Variants in HSF2BP observed in about 807,000 individuals in gnomAD.
HSF2BP encodes heat shock transcription factor 2 binding protein.
A neutral mutation model predicts 35.0 loss-of-function variants in HSF2BP; 35 were observed. The ratio of observed to expected loss-of-function variants is 1.00; its 90% CI spans 0.76 to 1.32. HSF2BP has a LOEUF of 1.32. Ranked by LOEUF, HSF2BP falls within the 40% of genes most tolerant of loss-of-function variation. The pLI, the probability that HSF2BP is intolerant of heterozygous loss-of-function variation, is 0.00. For missense variants in HSF2BP, 326 were observed against 321.7 expected, an observed-to-expected ratio of 1.01 and a Z score of -0.10; for synonymous variants, 114 against 117.4, an observed-to-expected ratio of 0.97 and a Z score of 0.18.
intron 2 of HSF2BP, 34 bp from the exon 3 acceptor site, chr21:43,656,771 T>C: frequency 6.3e-7 from 1 of 1,574,976 alleles, no homozygotes; most frequent in South Asian, 1.2e-5. Flanking sequence ...TATATTTCTC[T>C]TCACATGAGA....
At chr21:43,652,891 T>A (rs2082809082) in intron 3 of HSF2BP, among the ~76,000 whole-genome samples, 1 of 151,888 alleles carries the variant, frequency 6.6e-6, no homozygotes, top group African/African-American at 2.4e-5. Flanking sequence ...ATCCAGTGCT[T>A]TGGGAGGCCG....
chr21:43,635,517 T>C (rs1472488887), intron 4 of HSF2BP, among the ~76,000 whole-genome samples: 1 of 152,238 alleles, frequency 6.6e-6, no homozygotes, highest in African/African-American at 2.4e-5. Flanking sequence ...ACATGTCAAC[T>C]GATTTTAACA....
chr21:43,633,529 T>C, intron 4 of HSF2BP, 108 bp from the exon 5 acceptor site: 1 of 1,014,678 alleles, frequency 9.9e-7, no homozygotes, highest in Non-Finnish European at 1.4e-6. Context: ...GCATGTATAA[T>C]TATAGAAAAT....
chr21:43,606,164 AG>A (rs1400973062), intron 7 of HSF2BP, among the ~76,000 whole-genome samples: 1 of 152,200 alleles, frequency 6.6e-6, no homozygotes, highest in African/African-American at 2.4e-5. Flanking sequence ...ATCACACCCG[AG>A]GTCTGCCTCC....
chr21:43,588,105 C>T (rs2081878925), intron 8 of HSF2BP, among the ~76,000 whole-genome samples: 1 of 152,162 alleles, frequency 6.6e-6, no homozygotes, highest in African/African-American at 2.4e-5. Context: ...TGGCCCGGCA[C>T]GGTGGCTCAC....
chr21:43,575,669 C>A (rs896722214), intron 8 of HSF2BP, among the ~76,000 whole-genome samples: 1 of 152,182 alleles, frequency 6.6e-6, no homozygotes, highest in African/African-American at 2.4e-5. Context: ...TGCATCTTAA[C>A]AAACCCAGCT....
chr21:43,501,454 G>A, the HSF2BP span, among the ~76,000 whole-genome samples: 13 of 52,928 alleles, frequency 2.5e-4, no homozygotes, highest in Middle Eastern at 0.018. Context: ...CCAGGCTGGA[G>A]CACAGTGGCA....
At chr21:43,647,175 A>C (rs2082719677) in intron 3 of HSF2BP, among the ~76,000 whole-genome samples, 1 of 152,168 alleles carries the variant, frequency 6.6e-6, no homozygotes, top group Non-Finnish European at 1.5e-5. Context: ...AAATAATATG[A>C]ACAGTGAATA....
chr21:43,498,818 G>A, the HSF2BP span, among the ~76,000 whole-genome samples: 1 of 115,534 alleles, frequency 8.7e-6, no homozygotes, highest in Non-Finnish European at 1.9e-5. Flanking sequence ...TAGCTAATGA[G>A]AATACAACAA....
At chr21:43,615,143 G>A (rs1040320050) in intron 6 of HSF2BP, among the ~76,000 whole-genome samples, 1 of 152,144 alleles carries the variant, frequency 6.6e-6, no homozygotes, top group African/African-American at 2.4e-5. Context: ...TTCTTTAGTT[G>A]GGTCTGACAG....
intron 3 of HSF2BP, among the ~76,000 whole-genome samples, chr21:43,652,400 CAAAA>C (rs35714746): frequency 7.8e-5 from 7 of 89,356 alleles, no homozygotes; most frequent in Admixed American, 3.6e-4. Context: ...CAGACACCAT[CAAAA>C]AAAAAAAAAA....
chr21:43,604,228 CCA>C (rs769139269), intron 7 of HSF2BP, among the ~76,000 whole-genome samples: 12 of 149,442 alleles, frequency 8.0e-5, no homozygotes, highest in Non-Finnish European at 1.2e-4. Context: ...ACAGCACACA[CCA>C]CACACCACTC....
intron 3 of HSF2BP, among the ~76,000 whole-genome samples, chr21:43,654,952 AAAAGGT>A (rs1270898887): frequency 6.6e-6 from 1 of 152,206 alleles, no homozygotes; most frequent in African/African-American, 2.4e-5. Context: ...ACTATGGGGA[AAAAGGT>A]GACTCTATAG....
rs1053382160 is a variant in HSF2BP, at chr21:43,613,875, T to TGCAA, written c.643_646dup (p.Gln216LeufsTer52). ...TCCTGGCTTCAAGTCTCCCAGAAGC[T>TGCAA]GCAATATGGTGTCCAAGAGCACCCG... On this transcript the variant is annotated frameshift_variant, in exon 7 of 9. Transcript: ENST00000291560. LOFTEE classifies it high-confidence loss of function. 6.2e-7 allele frequency: 1 copy of TGCAA among 1,613,772 alleles called. No individual in the cohort carries two copies. The highest frequency in any genetic ancestry group is 1.3e-5 in the African/African-American group (1 of 74,914).
At chr21:43,605,129 A>G (rs1164401529) in intron 7 of HSF2BP, among the ~76,000 whole-genome samples, 1 of 148,884 alleles carries the variant, frequency 6.7e-6, no homozygotes, top group Non-Finnish European at 1.5e-5. Flanking sequence ...CACCACACAG[A>G]TACCACACAC....
chr21:43,588,446 T>C (rs80304021), intron 8 of HSF2BP, among the ~76,000 whole-genome samples: 3,783 of 151,962 alleles, frequency 0.025, 51 homozygotes, highest in Middle Eastern at 0.065. Flanking sequence ...CATGTCCTGC[T>C]GAGCAGCAGT....
chr21:43,629,281 T>G (rs1354364819), intron 6 of HSF2BP, among the ~76,000 whole-genome samples: 1 of 152,214 alleles, frequency 6.6e-6, no homozygotes, highest in Admixed American at 6.5e-5. Context: ...ATATTCATGA[T>G]TCAGCCAAGC....
intron 4 of HSF2BP, among the ~76,000 whole-genome samples, chr21:43,635,663 T>C (rs569524268): frequency 2.6e-5 from 4 of 152,102 alleles, no homozygotes; most frequent in Non-Finnish European, 5.9e-5. Context: ...ACACCTACAA[T>C]CCTAGCATTC....
chr21:43,506,856 G>T, the HSF2BP span, among the ~76,000 whole-genome samples: 2 of 123,226 alleles, frequency 1.6e-5, no homozygotes, highest in African/African-American at 2.9e-5. Context: ...GGCAGGCAAG[G>T]CTCTCTCCAG....
Sources: gnomAD v4.1 joint callset for allele counts (sites outside exome capture counted in the v4.1 genomes callset) on GRCh38, gnomAD v4.1.1 for gene constraint, MANE v1.5 for transcripts, NCBI Gene and HGNC (gene_info 2026-07-23, HGNC 2026-07-21) for gene names.